The following PTPRG variants were observed in gnomAD, a reference collection of about 807,000 sequenced individuals.
PTPRG encodes the protein protein tyrosine phosphatase receptor type G, also known as receptor-type tyrosine-protein phosphatase gamma.
In PTPRG, 102 loss-of-function variants were observed where a neutral mutation model predicts 165.3. That is an observed-to-expected ratio of 0.62 (90% CI 0.53 to 0.73). PTPRG has a LOEUF of 0.73. Among genes scored for constraint, PTPRG ranks in the 30% least tolerant of loss-of-function variants. PTPRG has a pLI of 0.00. For synonymous variants in PTPRG, 675 were observed against 669.5 expected (o/e 1.01, Z -0.13); for missense variants, 1,866 against 1,861.4 (o/e 1.00, Z -0.05).
In PTPRG at chr3:61,882,679, C is replaced by A. The variant is rs188046725; in HGVS notation, c.191-106946C>A. Among the ~76,000 whole-genome samples the A allele has an allele frequency of 1.5e-3, 232 of 152,216 alleles. 1 individual carries two copies. The highest frequency in any genetic ancestry group is 1.5e-3 in the Non-Finnish European group (101 of 68,012). On this transcript the variant is annotated intron_variant, in intron 2 of 29. Transcript: ENST00000474889. ...AGTTGGCCTCTTAATTCAGAGTATT[C>A]GTCTCTGGATTTGAATCCCTGTGCC...
intron 1 of PTPRG, among the ~76,000 whole-genome samples, chr3:61,729,492 G>T (rs1406461970): frequency 1.3e-5 from 2 of 152,176 alleles, no homozygotes; most frequent in Non-Finnish European, 2.9e-5. Context: ...TTTAGACCTT[G>T]TAAGACCTTG....
chr3:62,007,197 C>T (rs914871545), intron 4 of PTPRG, among the ~76,000 whole-genome samples: 1 of 152,174 alleles, frequency 6.6e-6, no homozygotes, highest in African/African-American at 2.4e-5. Context: ...TGGCAGCAAA[C>T]TCAACTTTGT....
At chr3:62,127,370 G>A (rs55885599) in intron 5 of PTPRG, among the ~76,000 whole-genome samples, 6 of 152,324 alleles carry the variant, frequency 3.9e-5, no homozygotes, top group Non-Finnish European at 8.8e-5. Context: ...AGATTCAGAT[G>A]TGAAATCAAA....
intron 2 of PTPRG, among the ~76,000 whole-genome samples, chr3:61,963,515 A>G (rs1296257094): frequency 2.0e-5 from 3 of 152,222 alleles, no homozygotes; most frequent in African/African-American, 7.2e-5. Flanking sequence ...AAGAGAAAAT[A>G]TTTATGATTA....
At position 62,146,880 on chromosome 3, in the gene PTPRG, C is replaced by A. The variant is rs566080942; in HGVS notation, c.683-10187C>A. On this transcript the variant is annotated intron_variant, in intron 6 of 29. Transcript: ENST00000474889. ...ATTTGGCCCATGTACCATAGTTTGC[C>A]CACTTTTGACTTAGAGATATGTCGT... Among the ~76,000 whole-genome samples, 28 of 152,246 alleles carry A rather than the reference C, an allele frequency of 1.8e-4. 1 individual carries two copies. The South Asian group carries it at 5.0e-3, about 27-fold the overall frequency.
intron 2 of PTPRG, among the ~76,000 whole-genome samples, chr3:61,965,745 T>C (rs2040256328): frequency 2.0e-5 from 3 of 152,256 alleles, no homozygotes; most frequent in Admixed American, 2.0e-4. Flanking sequence ...TTTCACCTCA[T>C]GTAATTCTAA....
At chr3:61,612,221 C>T (rs954854974) in intron 1 of PTPRG, among the ~76,000 whole-genome samples, 3 of 152,206 alleles carry the variant, frequency 2.0e-5, no homozygotes, top group East Asian at 3.9e-4. Context: ...GCTGGGATTA[C>T]AGGTGTGAGC....
intron 2 of PTPRG, among the ~76,000 whole-genome samples, chr3:61,806,972 A>G (rs1025635143): frequency 6.6e-6 from 1 of 152,224 alleles, no homozygotes; most frequent in Admixed American, 6.5e-5. Context: ...CCTTTCATAA[A>G]CAGAGAATAC....
chr3:62,266,976 G>A (rs557166540), intron 17 of PTPRG, among the ~76,000 whole-genome samples: 1 of 151,668 alleles, frequency 6.6e-6, no homozygotes, highest in South Asian at 2.1e-4. Context: ...TTCTGTTAGG[G>A]TAGCAGGGAA....
chr3:62,131,210 G>A (rs1703501055), intron 5 of PTPRG, among the ~76,000 whole-genome samples: 1 of 152,142 alleles, frequency 6.6e-6, no homozygotes, highest in Non-Finnish European at 1.5e-5. Flanking sequence ...CTACCTTGAT[G>A]TCAGTAGCCC....
intron 1 of PTPRG, among the ~76,000 whole-genome samples, chr3:61,738,273 TATATAC>T (rs2032809827): frequency 1.6e-5 from 1 of 63,700 alleles, no homozygotes; most frequent in African/African-American, 7.1e-5. Flanking sequence ...TATATATATA[TATATAC>T]ATATATATAT....
intron 1 of PTPRG, among the ~76,000 whole-genome samples, chr3:61,638,984 T>G (rs1424960224): frequency 6.6e-6 from 1 of 152,162 alleles, no homozygotes; most frequent in African/African-American, 2.4e-5. Context: ...TAAATTCTTT[T>G]CCAAGGCTGA....
chr3:62,072,647 T>G (rs79188873), intron 4 of PTPRG, among the ~76,000 whole-genome samples: 45 of 140,260 alleles, frequency 3.2e-4, no homozygotes, highest in African/African-American at 1.3e-3. Flanking sequence ...GTGTGTGTGT[T>G]TTATGTATAT....
chr3:62,043,498 C>T (rs993408789), intron 4 of PTPRG, among the ~76,000 whole-genome samples: 2 of 152,230 alleles, frequency 1.3e-5, no homozygotes, highest in Non-Finnish European at 2.9e-5. Flanking sequence ...GAGCCCTTCT[C>T]ATAAGAGAAT....
chr3:62,057,845 G>A (rs890991618), intron 4 of PTPRG, among the ~76,000 whole-genome samples: 8 of 152,290 alleles, frequency 5.3e-5, no homozygotes, highest in Admixed American at 3.3e-4. Flanking sequence ...ACCACTCTGT[G>A]CTCCCAGACT....
At chr3:61,989,063 A>C (rs1200747220) in intron 2 of PTPRG, among the ~76,000 whole-genome samples, 1 of 152,218 alleles carries the variant, frequency 6.6e-6, no homozygotes, top group African/African-American at 2.4e-5. Context: ...CTTAACACTC[A>C]AGTGTACAAA....
At chr3:62,044,402 G>A (rs1394539288) in intron 4 of PTPRG, among the ~76,000 whole-genome samples, 1 of 152,152 alleles carries the variant, frequency 6.6e-6, no homozygotes, top group Non-Finnish European at 1.5e-5. Flanking sequence ...AGCCGGGCAT[G>A]GTGGCACATG....
At chr3:61,914,581 G>C (rs1337233704) in intron 2 of PTPRG, among the ~76,000 whole-genome samples, 1 of 152,126 alleles carries the variant, frequency 6.6e-6, no homozygotes, top group Non-Finnish European at 1.5e-5. Context: ...TAGTTAGAAC[G>C]GTCTTGGCCT....
intron 5 of PTPRG, among the ~76,000 whole-genome samples, chr3:62,084,531 T>C (rs2106775312): frequency 6.6e-6 from 1 of 152,348 alleles, no homozygotes; most frequent in South Asian, 2.1e-4. Flanking sequence ...CCATTCTTTA[T>C]ATCATGTCGG....
Sources: allele counts gnomAD v4.1 joint callset (sites outside exome capture counted in the v4.1 genomes callset), GRCh38; gene constraint gnomAD v4.1.1; transcripts MANE v1.5; gene names NCBI Gene and HGNC (gene_info 2026-07-23, HGNC 2026-07-21).